LRRC2: variants seen among roughly 807,000 people sequenced by gnomAD.
LRRC2 encodes leucine rich repeat containing 2.
LRRC2 carries 27 observed loss-of-function variants against 40.2 expected under a neutral mutation model. The observed-to-expected ratio is 0.67, with a 90% CI of 0.49 to 0.93. The LOEUF is 0.93. Among genes scored for constraint, LRRC2 ranks in the 40% least tolerant of loss-of-function variants. LRRC2 has a pLI of 0.00. For synonymous variants in LRRC2, 147 were observed against 158.9 expected (o/e 0.92, Z 0.56); for missense variants, 402 against 439.6 (o/e 0.91, Z 0.76).
At chr3:46,541,616 G>A (rs1009429832) in intron 3 of LRRC2, among the ~76,000 whole-genome samples, 6 of 152,200 alleles carry the variant, frequency 3.9e-5, no homozygotes, top group African/African-American at 7.2e-5. Flanking sequence ...ACTAGCAGCA[G>A]AAACAACTGA....
At chr3:46,540,492 T>A (rs1040793593) in intron 3 of LRRC2, among the ~76,000 whole-genome samples, 1 of 144,820 alleles carries the variant, frequency 6.9e-6, no homozygotes, top group Non-Finnish European at 1.5e-5. Context: ...ACCACTGCAC[T>A]CCAGCCTGGG....
At chr3:46,548,700 T>A (rs566728490) in intron 2 of LRRC2, among the ~76,000 whole-genome samples, 1 of 152,336 alleles carries the variant, frequency 6.6e-6, no homozygotes, top group African/African-American at 2.4e-5. Context: ...ACAATAGCTC[T>A]TTTATTTCTC....
intron 3 of LRRC2, among the ~76,000 whole-genome samples, chr3:46,542,475 T>A: frequency 7.1e-6 from 1 of 140,964 alleles, no homozygotes; most frequent in Non-Finnish European, 1.5e-5. Flanking sequence ...CCAGACAGAG[T>A]GACTAAGCAG....
At chr3:46,542,206 A>T (rs1704409759) in intron 3 of LRRC2, among the ~76,000 whole-genome samples, 1 of 152,148 alleles carries the variant, frequency 6.6e-6, no homozygotes, top group South Asian at 2.1e-4. Flanking sequence ...AAGAAAAAGG[A>T]AACTCTGAAA....
intron 8 of LRRC2, among the ~76,000 whole-genome samples, chr3:46,521,072 G>T (rs868276543): frequency 5.9e-5 from 9 of 152,082 alleles, no homozygotes; most frequent in Non-Finnish European, 1.0e-4. Context: ...GCATCTATGC[G>T]CAAATTGGCC....
chr3:46,564,674 C>T (rs1009857923), intron 1 of LRRC2, among the ~76,000 whole-genome samples: 6 of 152,078 alleles, frequency 3.9e-5, no homozygotes, highest in Non-Finnish European at 7.4e-5. Context: ...GAGAGGAGGA[C>T]GGAGCTGATG....
chr3:46,533,695 T>C (rs1319202807), intron 4 of LRRC2, among the ~76,000 whole-genome samples: 1 of 150,420 alleles, frequency 6.6e-6, no homozygotes, highest in Non-Finnish European at 1.5e-5. Context: ...TGTATAGGTA[T>C]TCACAGTTTC....
chr3:46,532,636 C>A, intron 5 of LRRC2, 137 bp downstream of exon 5: 1 of 968,400 alleles, frequency 1.0e-6, no homozygotes, highest in Non-Finnish European at 1.5e-6. Context: ...GACCAGTATA[C>A]GGTGATTGAA....
intron 1 of LRRC2, among the ~76,000 whole-genome samples, chr3:46,564,440 C>T (rs1705015682): frequency 6.6e-6 from 1 of 151,466 alleles, no homozygotes; most frequent in Non-Finnish European, 1.5e-5. Flanking sequence ...TTTCCGGTCA[C>T]CTAGTCCTCT....
intron 3 of LRRC2, among the ~76,000 whole-genome samples, chr3:46,544,003 T>C (rs1704463518): frequency 6.6e-6 from 1 of 152,168 alleles, no homozygotes; most frequent in Non-Finnish European, 1.5e-5. Context: ...ATTAGCAGCA[T>C]TTTACTGATA....
Position 46,532,864 on chromosome 3 carries a change from A to G in LRRC2, c.536T>C (p.Leu179Pro). The change falls in exon 5 of 9, where the codon CTG becomes CCG. Residue 179 changes from leucine (L) to proline (P), a missense_variant. Leu to Pro is a moderately conservative substitution (Grantham distance 98, BLOSUM62 -3). Coordinates refer to ENST00000395905, the MANE Select transcript of LRRC2 (RefSeq NM_024512.5). The part of the protein sequence containing the change: ...LKELNVGFNY[L>P]KSIPPELGDC... ...TCCCAATTCTGGAGGAATGCTCTTC[A>G]GATAGTTGAAACCCACATTGAGTTC... The G allele has an allele frequency of 6.2e-7, 1 of 1,614,084 alleles. No homozygotes were observed. Among genetic ancestry groups the G allele is most frequent in the Non-Finnish European group, 8.5e-7 (1 of 1,179,956 alleles).
chr3:46,526,018 C>T (rs1303234407), intron 7 of LRRC2, among the ~76,000 whole-genome samples: 2 of 151,438 alleles, frequency 1.3e-5, no homozygotes, highest in Non-Finnish European at 2.9e-5. Flanking sequence ...AGTGGCGCAA[C>T]CTCGGCTTAT....
chr3:46,539,364 C>T (rs1350729511), intron 3 of LRRC2, among the ~76,000 whole-genome samples, 163 bp from the exon 4 acceptor site: 1 of 152,156 alleles, frequency 6.6e-6, no homozygotes, highest in Non-Finnish European at 1.5e-5. Flanking sequence ...CCAAAGACAC[C>T]GCAGTTGTCG....
At chr3:46,556,487 T>G (rs1313271555) in intron 1 of LRRC2, among the ~76,000 whole-genome samples, 1 of 151,774 alleles carries the variant, frequency 6.6e-6, no homozygotes, top group Non-Finnish European at 1.5e-5. Context: ...GGATTTTGGG[T>G]GGGATTATCC....
At chr3:46,530,690 A>C (rs1704144158) in intron 5 of LRRC2, among the ~76,000 whole-genome samples, 2 of 152,242 alleles carry the variant, frequency 1.3e-5, no homozygotes, top group African/African-American at 4.8e-5. Context: ...GGCAGCAGGC[A>C]AAAAGAGAGC....
chr3:46,530,144 GC>G (rs1332587116), intron 5 of LRRC2, 94 bp from the exon 6 acceptor site: 14 of 998,112 alleles, frequency 1.4e-5, no homozygotes, highest in Non-Finnish European at 2.1e-5. Context: ...TTCCCCAAAG[GC>G]ATTTCTATGA....
intron 1 of LRRC2, among the ~76,000 whole-genome samples, chr3:46,565,549 T>C (rs1455262925): frequency 1.3e-5 from 2 of 152,148 alleles, no homozygotes; most frequent in Admixed American, 1.3e-4. Context: ...TAGCAGAGGT[T>C]CTTTGGGTGA....
At chr3:46,521,871 C>T (rs190836610) in intron 7 of LRRC2, among the ~76,000 whole-genome samples, 2 of 152,120 alleles carry the variant, frequency 1.3e-5, no homozygotes, top group South Asian at 2.1e-4. Flanking sequence ...TTTTCAGAGG[C>T]CTGATGGGGA....
intron 7 of LRRC2, among the ~76,000 whole-genome samples, chr3:46,524,194 C>T (rs895160042): frequency 6.6e-6 from 1 of 152,092 alleles, no homozygotes; most frequent in Admixed American, 6.5e-5. Context: ...TTGGCTGGTC[C>T]CCTGAGTATG....
Sources: allele counts gnomAD v4.1 joint callset (sites outside exome capture counted in the v4.1 genomes callset), GRCh38; gene constraint gnomAD v4.1.1; transcripts MANE v1.5; gene names NCBI Gene and HGNC (gene_info 2026-07-23, HGNC 2026-07-21).